EHMT1: variants seen among roughly 807,000 people sequenced by gnomAD.
EHMT1 encodes histone-lysine N-methyltransferase EHMT1.
Under a neutral mutation model 147.2 loss-of-function variants are expected in EHMT1, and 15 were observed. The observed-to-expected ratio is 0.10, with a 90% CI of 0.07 to 0.16. EHMT1 has a LOEUF of 0.16. EHMT1 is among the 10% of genes least tolerant of loss of function. EHMT1 has a pLI of 1.00. For synonymous variants in EHMT1, 795 were observed against 709.6 expected, an observed-to-expected ratio of 1.12 and a Z score of -1.91; for missense variants, 1,587 against 1,772.4, an observed-to-expected ratio of 0.90 and a Z score of 1.88.
chr9:137,733,832 G>T (rs1340928566), intron 4 of EHMT1, among the ~76,000 whole-genome samples: 1 of 152,176 alleles, frequency 6.6e-6, no homozygotes, highest in African/African-American at 2.4e-5. Flanking sequence ...TGTATATGGG[G>T]TAAATTATAA....
In EHMT1 at chr9:137,776,549, T is replaced by G; in HGVS notation, c.1792-69T>G. The G allele has an allele frequency of 1.3e-6, 2 of 1,501,908 alleles. No individual in the cohort carries two copies. Among genetic ancestry groups the G allele is most frequent in the Non-Finnish European group, 1.8e-6 (2 of 1,087,042 alleles). The allele number at this position is 1,501,908 out of a possible 1,614,324, so 93.0% of individuals were successfully genotyped here. A position where few individuals can be genotyped will look rare whatever the true frequency, so the allele number is the denominator to read the frequency against. ...GATGTGGGATGCGGTGCCAGTTTAG[T>G]AGTACTTTATTTTTCTAAATATTAA... On this transcript the variant is annotated intron_variant, in intron 11 of 26. Transcript: ENST00000460843. This position sits in a 1 kb window ranked among gnomAD's most constrained non-coding sequence, Gnocchi z 4.4.
chr9:137,822,522 G>A (rs954804803), intron 25 of EHMT1, among the ~76,000 whole-genome samples: 2 of 152,166 alleles, frequency 1.3e-5, no homozygotes, highest in Admixed American at 6.5e-5. Context: ...TAGATTTGCT[G>A]TCCTGATGCT....
intron 1 of EHMT1, among the ~76,000 whole-genome samples, chr9:137,700,988 C>T (rs1310502444): frequency 2.0e-5 from 3 of 152,068 alleles, no homozygotes; most frequent in East Asian, 3.9e-4. Flanking sequence ...AAAATCATGG[C>T]GGAAGGCCTA....
intron 5 of EHMT1, 115 bp from the exon 6 acceptor site, chr9:137,743,787 C>A: frequency 7.5e-7 from 1 of 1,331,234 alleles, no homozygotes; most frequent in Non-Finnish European, 1.0e-6. Context: ...TCGTGTGTCC[C>A]CGCCTCCCCA....
chr9:137,646,557 G>T, intron 1 of EHMT1: 1 of 608,856 alleles, frequency 1.6e-6, no homozygotes, highest in African/African-American at 2.0e-5. Context: ...AGGCCCCCGA[G>T]CGTGTGGGCT....
chr9:137,653,410 G>A (rs747521943), intron 1 of EHMT1, among the ~76,000 whole-genome samples: 1 of 152,212 alleles, frequency 6.6e-6, no homozygotes, highest in Non-Finnish European at 1.5e-5. Flanking sequence ...ACAGAACAGT[G>A]AAGTTGCTTA....
At chr9:137,655,152 C>T (rs1370347406) in intron 1 of EHMT1, among the ~76,000 whole-genome samples, 1 of 152,120 alleles carries the variant, frequency 6.6e-6, no homozygotes. Context: ...GTATACGCCA[C>T]TACGCTTGGC....
chr9:137,632,509 T>A (rs1589048447), intron 1 of EHMT1, among the ~76,000 whole-genome samples: 1 of 152,156 alleles, frequency 6.6e-6, no homozygotes, highest in African/African-American at 2.4e-5. Context: ...GCTCGAGCAG[T>A]CCTCCCGCCT....
chr9:137,810,130 G>A (rs1954313913), intron 18 of EHMT1, among the ~76,000 whole-genome samples: 1 of 145,604 alleles, frequency 6.9e-6, no homozygotes, highest in Non-Finnish European at 1.5e-5. Context: ...TCCGGAGGCG[G>A]TTCCGATGCT....
intron 1 of EHMT1, among the ~76,000 whole-genome samples, chr9:137,682,924 A>C (rs1006101178): frequency 6.6e-6 from 1 of 152,214 alleles, no homozygotes. Flanking sequence ...TGCACGTGCG[A>C]GTGAGTGCCC....
At chr9:137,812,405 G>T in intron 19 of EHMT1, among the ~76,000 whole-genome samples, 1 of 152,266 alleles carries the variant, frequency 6.6e-6, no homozygotes, top group Non-Finnish European at 1.5e-5. Flanking sequence ...CACTCAGGTT[G>T]TTGTTGGTGG....
chr9:137,699,705 G>A (rs1460274952), intron 1 of EHMT1, among the ~76,000 whole-genome samples: 1 of 150,180 alleles, frequency 6.7e-6, no homozygotes, highest in East Asian at 1.9e-4. Flanking sequence ...AAAGATGTTG[G>A]CCTGGCACAG....
chr9:137,792,931 C>G (rs1952634572), intron 16 of EHMT1, among the ~76,000 whole-genome samples: 1 of 152,186 alleles, frequency 6.6e-6, no homozygotes, highest in South Asian at 2.1e-4. Flanking sequence ...ACCCCCTTGC[C>G]TGTCACGCAC....
intron 4 of EHMT1, among the ~76,000 whole-genome samples, chr9:137,734,651 C>T (rs1057433992): frequency 2.0e-5 from 3 of 152,162 alleles, no homozygotes; most frequent in African/African-American, 7.2e-5. Context: ...ACAGTAGACA[C>T]GTTATACTTG....
At chr9:137,817,794 C>G (rs770684507) in intron 24 of EHMT1, 46 of 621,956 alleles carry the variant, frequency 7.4e-5, no homozygotes, top group Non-Finnish European at 1.2e-4. Context: ...CGTGGTCCAG[C>G]ATGGGCAGTC....
rs1954632708 is a variant in EHMT1 at position 137,813,199 on chromosome 9, G to A, written c.3035+26G>A. 1 of 1,604,640 alleles carries A rather than the reference G, an allele frequency of 6.2e-7. No individual in the cohort carries two copies. The highest frequency in any genetic ancestry group is 2.2e-5 in the East Asian group (1 of 44,872). On this transcript the variant is annotated intron_variant, in intron 20 of 26. Transcript: ENST00000460843. This position sits in a 1 kb window ranked among gnomAD's most constrained non-coding sequence, Gnocchi z 4.9. ...GTGAGCCCAGCCCCAGGACGGCTTTGTGGCAAATCAGCGGTCAGCAGGGCT... is the reference window on the plus strand; with the variant it reads ...GTGAGCCCAGCCCCAGGACGGCTTTATGGCAAATCAGCGGTCAGCAGGGCT...
At chr9:137,726,038 C>G (rs1946589877) in intron 3 of EHMT1, among the ~76,000 whole-genome samples, 1 of 152,130 alleles carries the variant, frequency 6.6e-6, no homozygotes, top group African/African-American at 2.4e-5. Flanking sequence ...TACTTATGAC[C>G]TTGGTTACTT....
In EHMT1 at chr9:137,779,494, AG is replaced by A. The variant is rs995994306; in HGVS notation, c.2193-140del. ...TGGGCAGACGTCTGCCGGGCCTTCC[AG>A]CCTTCAGCTTCATGTGTGGGACGCG... On this transcript the variant is annotated intron_variant, in intron 13 of 26. Transcript: ENST00000460843. 5 of 852,338 alleles carry A rather than the reference AG, an allele frequency of 5.9e-6. No individual in the cohort carries two copies. The African/African-American group carries it at 8.4e-5, about 14-fold the overall frequency. 52.8% of individuals were successfully genotyped at this position (852,338 alleles called of 1,614,324 possible). A position where few individuals can be genotyped will look rare whatever the true frequency, so the allele number is the denominator to read the frequency against.
At chr9:137,669,749 C>T (rs1940322163) in intron 1 of EHMT1, among the ~76,000 whole-genome samples, 1 of 152,018 alleles carries the variant, frequency 6.6e-6, no homozygotes, top group South Asian at 2.1e-4. Context: ...AAATTAATCT[C>T]CTTATGTTGT....
Sources: allele counts gnomAD v4.1 joint callset (sites outside exome capture counted in the v4.1 genomes callset), GRCh38; gene constraint gnomAD v4.1.1; non-coding constraint Gnocchi (gnomAD v3.1); transcripts MANE v1.5; gene names NCBI Gene and HGNC (gene_info 2026-07-23, HGNC 2026-07-21).